The following NADK2 variants were observed in gnomAD, a reference collection of about 807,000 sequenced individuals.
NADK2 encodes the protein NAD kinase 2, mitochondrial.
NADK2 carries 35 observed loss-of-function variants against 62.1 expected under a neutral mutation model. The observed-to-expected ratio is 0.56, with a 90% CI of 0.43 to 0.75. NADK2 has a LOEUF of 0.75. Ranked by LOEUF, NADK2 falls within the 30% of genes least tolerant of loss-of-function variation. The probability of loss-of-function intolerance (pLI) is 0.00; values close to 1 mark genes in which losing one functional copy is unlikely to be tolerated. For missense variants in NADK2, 439 were observed against 561.3 expected, an observed-to-expected ratio of 0.78 and a Z score of 2.20; for synonymous variants, 205 against 207.9, an observed-to-expected ratio of 0.99 and a Z score of 0.12.
intron 10 of NADK2, among the ~76,000 whole-genome samples, chr5:36,199,615 G>C (rs1746365208): frequency 6.6e-6 from 1 of 151,988 alleles, no homozygotes; most frequent in Non-Finnish European, 1.5e-5. Context: ...AGAATTTAAA[G>C]AATACATTTG....
intron 10 of NADK2, among the ~76,000 whole-genome samples, chr5:36,197,940 C>T (rs547189456): frequency 1.3e-5 from 2 of 151,940 alleles, no homozygotes; most frequent in Non-Finnish European, 2.9e-5. Context: ...ATAAAAAACA[C>T]TAGCTTCAAA....
At chr5:36,223,037 T>C (rs1005263432) in intron 4 of NADK2, among the ~76,000 whole-genome samples, 3 of 152,178 alleles carry the variant, frequency 2.0e-5, no homozygotes, top group African/African-American at 7.2e-5. Flanking sequence ...AAGGGCCAGA[T>C]AATGTACAGC....
rs139862711 is a variant in NADK2, at chr5:36,233,079, G to A, written c.301-5514C>T. 9.4e-4 allele frequency among the ~76,000 whole-genome samples: 143 copies of A among 152,274 alleles called. 1 individual carries two copies. The highest frequency in any genetic ancestry group is 3.2e-3 in the African/African-American group (134 of 41,550). On this transcript the variant is annotated intron_variant, in intron 1 of 11. Coordinates refer to ENST00000381937, the MANE Select transcript of NADK2 (RefSeq NM_001085411.3). ...CACACTCAATGTCCACAGCCAGTCA[G>A]TAGTGAAGTCAAATAATTACATCTG...
intron 1 of NADK2, among the ~76,000 whole-genome samples, chr5:36,231,718 C>T (rs962672559): frequency 6.6e-6 from 1 of 152,078 alleles, no homozygotes; most frequent in Non-Finnish European, 1.5e-5. Flanking sequence ...CTTGCTAAAC[C>T]TTTGAAAATA....
chr5:36,221,921 T>C (rs1334062768), intron 4 of NADK2: 2 of 152,218 alleles, frequency 1.3e-5, no homozygotes, highest in Non-Finnish European at 2.9e-5. Flanking sequence ...ATTATTTACA[T>C]TCAGGGAATA....
At chr5:36,219,292 C>CCT (rs1397608831) in intron 5 of NADK2, among the ~76,000 whole-genome samples, 1 of 152,100 alleles carries the variant, frequency 6.6e-6, no homozygotes, top group Non-Finnish European at 1.5e-5. Flanking sequence ...CTCACTGGAA[C>CCT]CTCTACCTCC....
chr5:36,197,641 G>A lies in NADK2; in HGVS notation c.1090C>T (p.Leu364=), dbSNP rs1253891704. 6.3e-6 allele frequency: 10 copies of A among 1,589,824 alleles called. No homozygotes were observed. Among genetic ancestry groups the A allele is most frequent in the Non-Finnish European group, 8.5e-6 (10 of 1,171,198 alleles). ...TTTGGTTCTTCCGGACTGTAGAGCA[G>A]TGATTCATTATATTCATTTGTTACT... The part of the protein sequence containing the change: ...EKVTNEYNES[L]LYSPEEPKIL... Residue 364 remains leucine (L), a synonymous_variant, in exon 11 of 12, where the codon CTG becomes TTG. Transcript: ENST00000381937.
intron 4 of NADK2, among the ~76,000 whole-genome samples, chr5:36,225,184 G>A (rs1392638482): frequency 6.6e-6 from 1 of 152,090 alleles, no homozygotes; most frequent in Non-Finnish European, 1.5e-5. Flanking sequence ...TATTTTTCAT[G>A]CCTGAGCTTA....
rs139871603 is a variant in NADK2 at position 36,241,259 on chromosome 5, G to A, written c.300+240C>T. 4.1e-4 allele frequency: 296 copies of A among 722,788 alleles called. 1 individual carries two copies. The East Asian group carries it at 0.012, about 29-fold the overall frequency. The allele number at this position is 722,788 out of a possible 1,614,324, so 44.8% of individuals were successfully genotyped here. On this transcript the variant is annotated intron_variant, in intron 1 of 11. Transcript: ENST00000381937. The surrounding 1 kb of genome is among the most constrained non-coding windows in gnomAD (Gnocchi z 4.9). ...CGGCGCCCCTGCCTCCTAAGTCCCT[G>A]CATGAACCACTGTCCCTCTCTCTCC...
intron 7 of NADK2, among the ~76,000 whole-genome samples, chr5:36,210,141 T>C (rs1337656894): frequency 1.3e-5 from 2 of 152,212 alleles, no homozygotes; most frequent in African/African-American, 2.4e-5. Context: ...CACATGGTTC[T>C]AGTAGCAGGA....
intron 1 of NADK2, among the ~76,000 whole-genome samples, chr5:36,235,707 T>C (rs1055022808): frequency 2.6e-5 from 4 of 152,094 alleles, no homozygotes; most frequent in African/African-American, 4.8e-5. Context: ...TAAGCCTCAA[T>C]TGTGATGACT....
At chr5:36,239,136 C>T (rs1295378377) in intron 1 of NADK2, among the ~76,000 whole-genome samples, 1 of 152,168 alleles carries the variant, frequency 6.6e-6, no homozygotes, top group Non-Finnish European at 1.5e-5. Flanking sequence ...CATGGTGAGA[C>T]TCAAGCACTT....
chr5:36,227,847 CTTTT>C (rs201331621), intron 1 of NADK2, among the ~76,000 whole-genome samples: 2 of 139,802 alleles, frequency 1.4e-5, no homozygotes, highest in Non-Finnish European at 3.1e-5. Context: ...TTTTTTATGA[CTTTT>C]TTTTTTTTTT....
rs1244657475 is a variant in NADK2 at position 36,233,772 on chromosome 5, G to A, written c.301-6207C>T. 4.6e-5 allele frequency among the ~76,000 whole-genome samples: 7 copies of A among 151,922 alleles called. 1 individual carries two copies. Among genetic ancestry groups the A allele is most frequent in the African/African-American group, 1.5e-4 (6 of 41,340 alleles). On this transcript the variant is annotated intron_variant, in intron 1 of 11. Coordinates refer to ENST00000381937, the MANE Select transcript of NADK2 (RefSeq NM_001085411.3). The stretch of plus-strand genomic sequence containing the variant: ...ACAATGTAAGAGATCTCTGATTATG[G>A]ATCACAGTCAGTTTTGAGTTCTTTT...
intron 3 of NADK2, 38 bp downstream of exon 3, chr5:36,226,437 T>G: frequency 6.7e-7 from 1 of 1,501,666 alleles, no homozygotes; most frequent in Non-Finnish European, 9.3e-7. Context: ...ATTAAACATT[T>G]GTATATGCCA....
At chr5:36,197,735 G>T in intron 10 of NADK2, 71 bp from the exon 11 acceptor site, 1 of 1,259,804 alleles carries the variant, frequency 7.9e-7, no homozygotes, top group Non-Finnish European at 1.1e-6. Flanking sequence ...ACAAAAAATA[G>T]ATGCCATCCC....
intron 3 of NADK2, 127 bp downstream of exon 3, chr5:36,226,348 C>T: frequency 1.6e-6 from 1 of 642,324 alleles, no homozygotes; most frequent in South Asian, 2.4e-5. Flanking sequence ...TTGATCGTAA[C>T]AATCCAAAAA....
Position 36,241,424 on chromosome 5 carries a change from C to G in NADK2, c.300+75G>C. On this transcript the variant is annotated intron_variant, in intron 1 of 11. Transcript: ENST00000381937. This position sits in a 1 kb window ranked among gnomAD's most constrained non-coding sequence, Gnocchi z 4.9. ...CCTGGGAAGAGTCGTCCCGAGAGGT[C>G]CCCCCGAGGGGGCGCAGCCGCCACC... 7.0e-7 allele frequency: 1 copy of G among 1,435,594 alleles called. No individual in the cohort carries two copies. Among genetic ancestry groups the G allele is most frequent in the Non-Finnish European group, 9.1e-7 (1 of 1,097,160 alleles). 88.9% of individuals were successfully genotyped at this position (1,435,594 alleles called of 1,614,324 possible).
At chr5:36,224,919 T>C (rs1303963220) in intron 4 of NADK2, among the ~76,000 whole-genome samples, 1 of 152,098 alleles carries the variant, frequency 6.6e-6, no homozygotes, top group African/African-American at 2.4e-5. Context: ...GTCAGTAAAG[T>C]CACTGTCCCC....
Sources: gnomAD v4.1 joint callset for allele counts (sites outside exome capture counted in the v4.1 genomes callset) on GRCh38, gnomAD v4.1.1 for gene constraint, Gnocchi (gnomAD v3.1) non-coding constraint, MANE v1.5 for transcripts, NCBI Gene and HGNC (gene_info 2026-07-23, HGNC 2026-07-21) for gene names.